Variants in TRPC1 observed in about 807,000 individuals in gnomAD.
The protein encoded by TRPC1 is transient receptor potential cation channel subfamily C member 1.
TRPC1 carries 42 observed loss-of-function variants against 88.2 expected under a neutral mutation model. The observed-to-expected ratio is 0.48, with a 90% CI of 0.37 to 0.62. The LOEUF (loss-of-function observed/expected upper bound fraction) is 0.62. Among genes scored for constraint, TRPC1 ranks in the 20% least tolerant of loss-of-function variants. The probability of loss-of-function intolerance (pLI) is 0.00; values close to 1 mark genes in which losing one functional copy is unlikely to be tolerated. For synonymous variants in TRPC1, 288 were observed against 331.8 expected, an observed-to-expected ratio of 0.87 and a Z score of 1.43; for missense variants, 699 against 957.3, an observed-to-expected ratio of 0.73 and a Z score of 3.56.
At chr3:142,749,735 A>G (rs1411518147) in intron 4 of TRPC1, among the ~76,000 whole-genome samples, 1 of 152,228 alleles carries the variant, frequency 6.6e-6, no homozygotes, top group African/African-American at 2.4e-5. Context: ...ATATAGACCA[A>G]TGGAACAGAA....
At chr3:142,785,779 C>G (rs1021658625) in intron 7 of TRPC1, among the ~76,000 whole-genome samples, 15 of 152,062 alleles carry the variant, frequency 9.9e-5, no homozygotes, top group Non-Finnish European at 1.5e-5. Context: ...GATTATAGGC[C>G]TGAGCCACCG....
chr3:142,780,417 A>G (rs1935923652), intron 5 of TRPC1, among the ~76,000 whole-genome samples: 1 of 152,186 alleles, frequency 6.6e-6, no homozygotes, highest in Non-Finnish European at 1.5e-5. Context: ...TCTAGTTAAA[A>G]ATTTTATGAT....
chr3:142,725,951 A>G (rs1333558480), intron 1 of TRPC1, among the ~76,000 whole-genome samples: 1 of 152,204 alleles, frequency 6.6e-6, no homozygotes, highest in Non-Finnish European at 1.5e-5. Flanking sequence ...GTATTAAATA[A>G]TATTATGAAA....
chr3:142,735,832 C>G (rs1934113577), intron 1 of TRPC1, among the ~76,000 whole-genome samples: 1 of 152,018 alleles, frequency 6.6e-6, no homozygotes, highest in Non-Finnish European at 1.5e-5. Context: ...TTTCAGACAT[C>G]TTTCCCTTTA....
chr3:142,786,005 TAATA>T (rs1936122762), intron 7 of TRPC1, among the ~76,000 whole-genome samples: 1 of 152,238 alleles, frequency 6.6e-6, no homozygotes, highest in African/African-American at 2.4e-5. Flanking sequence ...TTACACTGTA[TAATA>T]AATGTCTTAA....
At chr3:142,780,095 G>A (rs888450721) in intron 5 of TRPC1, among the ~76,000 whole-genome samples, 12 of 152,056 alleles carry the variant, frequency 7.9e-5, no homozygotes, top group South Asian at 2.1e-4. Flanking sequence ...GTGATCACCC[G>A]CCTTGGCCTC....
Position 142,784,704 on chromosome 3 carries a change from T to A in TRPC1, c.961T>A (p.Phe321Ile). The A allele has an allele frequency of 6.2e-7, 1 of 1,606,608 alleles. No individual in the cohort carries two copies. The highest frequency in any genetic ancestry group is 1.1e-5 in the South Asian group (1 of 89,654). ...TAATGTGTGTGTATGTCCTTTTCAG[T>A]TTGTCTCCCAGTCTAACTGCCAGCA... ...KLAIKYNQKEFVSQSNCQQFL... is the reference protein window; with the variant it reads ...KLAIKYNQKEIVSQSNCQQFL... Residue 321 changes from phenylalanine (F) to isoleucine (I), a missense_variant and splice_region_variant, in exon 7 of 13, where the codon TTT becomes ATT. Phe to Ile is a conservative substitution (Grantham distance 21, BLOSUM62 0). Coordinates refer to ENST00000476941, the MANE Select transcript of TRPC1 (RefSeq NM_001251845.2).
chr3:142,760,280 T>A (rs73230590), intron 4 of TRPC1, among the ~76,000 whole-genome samples: 16,226 of 152,234 alleles, frequency 0.11, 1,036 homozygotes, highest in Non-Finnish European at 0.15. Flanking sequence ...GGGTCTAGTT[T>A]CATTTCATTC....
In TRPC1 at chr3:142,770,093, CTTTTTTTTT is replaced by C. The variant is rs779905124; in HGVS notation, c.633-7525_633-7517del. 6.0e-3 allele frequency among the ~76,000 whole-genome samples: 569 copies of C among 95,258 alleles called. 5 individuals are homozygous for C. The highest frequency in any genetic ancestry group is 0.024 in the African/African-American group (494 of 20,930). 62.5% of individuals were successfully genotyped at this position (95,258 alleles called of 152,430 possible). A position where few individuals can be genotyped will look rare whatever the true frequency, so the allele number is the denominator to read the frequency against. On this transcript the variant is annotated intron_variant, in intron 4 of 12. Coordinates refer to ENST00000476941, the MANE Select transcript of TRPC1 (RefSeq NM_001251845.2). Reference sequence around the variant, plus strand: ...ATATATTTATAGATGTTGTATGTTCCTTTTTTTTTTTTTTTTTTTTTTGAGACAGAGTCT... The same window carrying C: ...ATATATTTATAGATGTTGTATGTTCCTTTTTTTTTTTTTGAGACAGAGTCT...
At chr3:142,738,723 G>A (rs781642334) in intron 2 of TRPC1, among the ~76,000 whole-genome samples, 66 of 152,174 alleles carry the variant, frequency 4.3e-4, no homozygotes, top group Middle Eastern at 3.4e-3. Flanking sequence ...GAGAAACCCT[G>A]TTTTATGTTT....
intron 7 of TRPC1, among the ~76,000 whole-genome samples, chr3:142,787,034 T>C (rs1936154584): frequency 6.6e-6 from 1 of 152,220 alleles, no homozygotes; most frequent in South Asian, 2.1e-4. Flanking sequence ...CCCTTTTATA[T>C]GATGCTGTTT....
intron 2 of TRPC1, 40 bp from the exon 3 acceptor site, chr3:142,743,445 T>TA (rs1361941668): frequency 7.2e-7 from 1 of 1,394,108 alleles, no homozygotes; most frequent in African/African-American, 1.5e-5. Context: ...TTTACCTTTT[T>TA]ATCTTCCATT....
At chr3:142,751,145 A>T (rs1276491371) in intron 4 of TRPC1, among the ~76,000 whole-genome samples, 1 of 152,196 alleles carries the variant, frequency 6.6e-6, no homozygotes, top group African/African-American at 2.4e-5. Context: ...ATATACATTT[A>T]GGGTAGCCTA....
chr3:142,738,645 C>T (rs1212877980), intron 2 of TRPC1, among the ~76,000 whole-genome samples: 1 of 152,098 alleles, frequency 6.6e-6, no homozygotes, highest in Non-Finnish European at 1.5e-5. Flanking sequence ...GTAGAGGCTC[C>T]TACAATACCC....
chr3:142,741,026 G>A (rs1159782638), intron 2 of TRPC1, among the ~76,000 whole-genome samples: 2 of 151,890 alleles, frequency 1.3e-5, no homozygotes, highest in Admixed American at 6.6e-5. Flanking sequence ...TGAGCTTAAA[G>A]GAAAGAGTAT....
At chr3:142,729,366 A>G (rs1933806633) in intron 1 of TRPC1, among the ~76,000 whole-genome samples, 2 of 152,218 alleles carry the variant, frequency 1.3e-5, no homozygotes, top group African/African-American at 4.8e-5. Flanking sequence ...GTACATCCCT[A>G]TCCTTTAGGA....
At chr3:142,787,773 T>C (rs1318094344) in intron 7 of TRPC1, among the ~76,000 whole-genome samples, 1 of 152,158 alleles carries the variant, frequency 6.6e-6, no homozygotes, top group African/African-American at 2.4e-5. Context: ...TTAAAGATCA[T>C]AGTGTTAGGA....
At chr3:142,744,189 TTAATGA>T (rs1375388038) in intron 3 of TRPC1, among the ~76,000 whole-genome samples, 1 of 152,084 alleles carries the variant, frequency 6.6e-6, no homozygotes, top group Non-Finnish European at 1.5e-5. Flanking sequence ...ATGTTAAATC[TTAATGA>T]TAATCAAATA....
At position 142,758,556 on chromosome 3, in the gene TRPC1, G is replaced by A. The variant is rs140260761; in HGVS notation, c.632+10096G>A. 1.3e-3 allele frequency among the ~76,000 whole-genome samples: 197 copies of A among 152,136 alleles called. 2 individuals carry two copies. The highest frequency in any genetic ancestry group is 4.5e-3 in the African/African-American group (186 of 41,502). On this transcript the variant is annotated intron_variant, in intron 4 of 12. Coordinates refer to ENST00000476941, the MANE Select transcript of TRPC1 (RefSeq NM_001251845.2). Reference sequence around the variant, plus strand: ...TCTGGTTATTAATCTCTTGTCAGATGGATAGTTTGCAAATATAGTCTCCCA... The same window carrying A: ...TCTGGTTATTAATCTCTTGTCAGATAGATAGTTTGCAAATATAGTCTCCCA...
Sources: allele counts gnomAD v4.1 joint callset (sites outside exome capture counted in the v4.1 genomes callset), GRCh38; gene constraint gnomAD v4.1.1; transcripts MANE v1.5; gene names NCBI Gene and HGNC (gene_info 2026-07-23, HGNC 2026-07-21).